CPEB1: variants seen among roughly 807,000 people sequenced by gnomAD.
The protein encoded by CPEB1 is cytoplasmic polyadenylation element binding protein 1.
In CPEB1, 7 loss-of-function variants were observed where a neutral mutation model predicts 65.8. That is an observed-to-expected ratio of 0.11 (90% CI 0.06 to 0.20). The LOEUF (loss-of-function observed/expected upper bound fraction) is 0.20. Among genes scored for constraint, CPEB1 ranks in the 10% least tolerant of loss-of-function variants. The pLI is 1.00. For missense variants in CPEB1, 551 were observed against 712.2 expected (o/e 0.77, Z 2.58); for synonymous variants, 262 against 260.0 (o/e 1.01, Z -0.08).
rs889424776 is a variant in CPEB1 at position 82,590,224 on chromosome 15, A to C, written c.272-18692T>G. 4.5e-4 allele frequency among the ~76,000 whole-genome samples: 67 copies of C among 150,326 alleles called. 2 individuals carry two copies. The East Asian group carries it at 6.2e-3, about 14-fold the overall frequency. ...ATCCCTTTGACAAAAAAAAAAAAAAAAAAAAAAAAAAAAAAACAGTTGTTA... is the reference window on the plus strand; with the variant it reads ...ATCCCTTTGACAAAAAAAAAAAAAACAAAAAAAAAAAAAAAACAGTTGTTA... On this transcript the variant is annotated intron_variant, in intron 3 of 12. Transcript: ENST00000684509.
chr15:82,646,104 T>C (rs745895293), intron 1 of CPEB1, among the ~76,000 whole-genome samples: 122 of 152,250 alleles, frequency 8.0e-4, no homozygotes, highest in Non-Finnish European at 1.4e-3. Context: ...CAACTTGAGG[T>C]TTCCAAGGTT....
At position 82,557,761 on chromosome 15, in the gene CPEB1, A is replaced by G. The variant is rs990051817; in HGVS notation, c.686T>C (p.Ile229Thr). ...SSGSDHLSDL[I>T]SSLRISPPLP... ...CCCTTTCCCAAATGAGTTACATACA[A>G]TCAAATCTGAGAGATGATCTGATCC... Residue 229 changes from isoleucine (I) to threonine (T), a missense_variant and splice_region_variant, in exon 5 of 13, where the codon ATT (isoleucine) becomes ACT (threonine). Ile to Thr is a moderately conservative substitution (Grantham distance 89). Coordinates refer to ENST00000684509, the MANE Select transcript of CPEB1 (RefSeq NM_001365242.1). The G allele has an allele frequency of 6.2e-7, 1 of 1,613,734 alleles. No individual in the cohort carries two copies. Among genetic ancestry groups the G allele is most frequent in the African/African-American group, 1.3e-5 (1 of 75,018 alleles).
chr15:82,622,943 G>T (rs576368929), intron 3 of CPEB1, among the ~76,000 whole-genome samples: 23 of 152,306 alleles, frequency 1.5e-4, no homozygotes, highest in African/African-American at 5.3e-4. Context: ...AGCCAGGGAA[G>T]GGTTGAGCTA....
chr15:82,644,558 C>A (rs768436801), intron 1 of CPEB1, among the ~76,000 whole-genome samples: 25 of 152,062 alleles, frequency 1.6e-4, no homozygotes, highest in Non-Finnish European at 3.4e-4. Context: ...TTTTTTAATG[C>A]TACATTTAAA....
chr15:82,615,870 C>A (rs1021779172), intron 3 of CPEB1, among the ~76,000 whole-genome samples: 6 of 151,944 alleles, frequency 3.9e-5, no homozygotes, highest in Non-Finnish European at 8.8e-5. Flanking sequence ...GATGTGGGCA[C>A]AGGAGACTTA....
intron 4 of CPEB1, chr15:82,562,088 A>T: frequency 2.5e-6 from 1 of 396,166 alleles, no homozygotes; most frequent in Non-Finnish European, 4.9e-6. Flanking sequence ...GTCAGTTTGT[A>T]AAAGTAACAG....
chr15:82,579,093 G>A (rs922642423), intron 3 of CPEB1, among the ~76,000 whole-genome samples: 11 of 152,124 alleles, frequency 7.2e-5, no homozygotes, highest in African/African-American at 2.7e-4. Context: ...AAAGTGCTAG[G>A]ATCACAGGCA....
In CPEB1 at chr15:82,555,901, C is replaced by T. The variant is rs1489522589; in HGVS notation, c.909G>A (p.Glu303=). 4 of 1,613,498 alleles carry T rather than the reference C, an allele frequency of 2.5e-6. 1 individual carries two copies. In the South Asian group the frequency reaches 4.4e-5, roughly 18 times the overall value. ...CTTGTCGGTGCAGCCTGGCCTCTCT[C>T]TCTATGCTGAAGGGGTCTTTGGGAG... is the stretch of plus-strand genomic sequence containing the variant. ...LEAPKDPFSI[E]REARLHRQAA... is the part of the protein sequence containing the mutation. Residue 303 remains glutamate, a synonymous_variant, in exon 6 of 13, where the codon GAG becomes GAA. Coordinates refer to ENST00000684509, the MANE Select transcript of CPEB1 (RefSeq NM_001365242.1).
intron 3 of CPEB1, among the ~76,000 whole-genome samples, chr15:82,625,207 G>A (rs1596125023): frequency 6.6e-6 from 1 of 152,136 alleles, no homozygotes. Flanking sequence ...ATGACTCCCT[G>A]AACTTTTAAC....
chr15:82,628,209 TA>T, intron 2 of CPEB1, 154 bp downstream of exon 2: 1 of 702,350 alleles, frequency 1.4e-6, no homozygotes, highest in Non-Finnish European at 2.6e-6. Context: ...AATTCCTGCT[TA>T]AAAAAACTGT....
chr15:82,580,751 G>T (rs951181121), intron 3 of CPEB1, among the ~76,000 whole-genome samples: 7 of 151,864 alleles, frequency 4.6e-5, no homozygotes, highest in African/African-American at 1.7e-4. Context: ...TAGGGACCTT[G>T]TAAGTGGAAT....
At chr15:82,554,439 T>A (rs2036829940) in intron 6 of CPEB1, among the ~76,000 whole-genome samples, 1 of 152,220 alleles carries the variant, frequency 6.6e-6, no homozygotes, top group Non-Finnish European at 1.5e-5. Context: ...TTCTATTCTG[T>A]TTCCTTGTCT....
chr15:82,638,710 A>C (rs1490626809), intron 1 of CPEB1: 1 of 152,232 alleles, frequency 6.6e-6, no homozygotes, highest in African/African-American at 2.4e-5. Flanking sequence ...TCCTTGAGAC[A>C]ATCATCATAC....
At chr15:82,608,295 T>G (rs1046171117) in intron 3 of CPEB1, among the ~76,000 whole-genome samples, 5 of 152,106 alleles carry the variant, frequency 3.3e-5, no homozygotes, top group Non-Finnish European at 7.4e-5. Context: ...AAACTTTCCC[T>G]GGGAAATGGG....
At chr15:82,601,239 TA>T (rs77547021) in intron 3 of CPEB1, among the ~76,000 whole-genome samples, 13 of 144,450 alleles carry the variant, frequency 9.0e-5, no homozygotes, top group Non-Finnish European at 9.1e-5. Flanking sequence ...GTGGTTTTCT[TA>T]AAAAAAAAAA....
intron 4 of CPEB1, among the ~76,000 whole-genome samples, chr15:82,569,468 G>A (rs1275957737): frequency 2.0e-5 from 3 of 152,162 alleles, no homozygotes; most frequent in South Asian, 2.1e-4. Context: ...CTCCCTGGTC[G>A]ACAAAATCAT....
rs556687270 is a variant in CPEB1, at chr15:82,587,070, C to G, written c.272-15538G>C. On this transcript the variant is annotated intron_variant, in intron 3 of 12. Transcript: ENST00000684509. ...TCAACATAGGAAAAGATTTAAAAGA[C>G]TAACAGAAAAAATAACTGTTCTACT... 8.5e-5 allele frequency among the ~76,000 whole-genome samples: 13 copies of G among 152,116 alleles called. No individual in the cohort carries two copies. In the South Asian group the frequency reaches 2.7e-3, roughly 32 times the overall value.
intron 3 of CPEB1, among the ~76,000 whole-genome samples, chr15:82,615,679 G>T (rs1262777962): frequency 6.6e-6 from 1 of 152,088 alleles, no homozygotes; most frequent in African/African-American, 2.4e-5. Context: ...ATATCAACTG[G>T]AATTTTGAAG....
chr15:82,596,137 C>G (rs555561984), intron 3 of CPEB1, among the ~76,000 whole-genome samples: 13 of 152,288 alleles, frequency 8.5e-5, no homozygotes, highest in African/African-American at 3.1e-4. Flanking sequence ...ACAATCCTAA[C>G]AATCACAGAA....
Sources: gnomAD v4.1 joint callset for allele counts (sites outside exome capture counted in the v4.1 genomes callset) on GRCh38, gnomAD v4.1.1 for gene constraint, MANE v1.5 for transcripts, NCBI Gene and HGNC (gene_info 2026-07-23, HGNC 2026-07-21) for gene names.